The following TSPAN11 variants were observed in gnomAD, a reference collection of about 807,000 sequenced individuals.
TSPAN11 encodes tetraspanin 11.
TSPAN11 carries 29 observed loss-of-function variants against 32.9 expected under a neutral mutation model. That is an observed-to-expected ratio of 0.88 (90% CI 0.66 to 1.20). The LOEUF (loss-of-function observed/expected upper bound fraction) is 1.20, where lower values mean the gene tolerates loss of function less well. TSPAN11 is among the 50% of genes most tolerant of loss of function. The pLI is 0.00. For synonymous variants in TSPAN11, 140 were observed against 141.3 expected, an observed-to-expected ratio of 0.99 and a Z score of 0.07; for missense variants, 283 against 329.1, an observed-to-expected ratio of 0.86 and a Z score of 1.08.
the TSPAN11 span, among the ~76,000 whole-genome samples, chr12:31,011,457 T>C: frequency 6.6e-6 from 1 of 152,154 alleles, no homozygotes; most frequent in Admixed American, 6.5e-5. Flanking sequence ...TGAGGCCACA[T>C]TTAACCACTT....
At chr12:30,933,782 GTC>G (rs1429682611) in intron 1 of TSPAN11, among the ~76,000 whole-genome samples, 3 of 152,158 alleles carry the variant, frequency 2.0e-5, no homozygotes, top group Non-Finnish European at 4.4e-5. Flanking sequence ...AGGCCCCTAT[GTC>G]TTAGACTCTG....
chr12:30,992,105 C>T lies in TSPAN11; in HGVS notation c.*190C>T, dbSNP rs1467349598. On this transcript the variant is annotated 3_prime_UTR_variant, in exon 8 of 8. Transcript: ENST00000546076. ...GCCCACCCAGGCAGAGACCCTCGGC[C>T]CCCTCTCCTCCATTTCTGAGCCCCC... 8 of 637,228 alleles carry T rather than the reference C, an allele frequency of 1.3e-5. No individual in the cohort carries two copies. The highest frequency in any genetic ancestry group is 2.2e-5 in the Non-Finnish European group (8 of 358,068). 39.5% of individuals were successfully genotyped at this position (637,228 alleles called of 1,614,324 possible).
the TSPAN11 span, among the ~76,000 whole-genome samples, chr12:31,007,666 G>T: frequency 6.6e-6 from 1 of 152,030 alleles, no homozygotes; most frequent in Non-Finnish European, 1.5e-5. Flanking sequence ...ACTCCCCGAT[G>T]CTTTCTGTGG....
chr12:30,959,763 G>A (rs1432790361), intron 2 of TSPAN11, among the ~76,000 whole-genome samples: 2 of 142,748 alleles, frequency 1.4e-5, no homozygotes, highest in Non-Finnish European at 3.0e-5. Context: ...CTGCGCGACC[G>A]AGTGAGACTC....
downstream of TSPAN11, among the ~76,000 whole-genome samples, chr12:31,001,005 T>A (rs888599131): frequency 1.3e-5 from 2 of 152,170 alleles, no homozygotes; most frequent in Non-Finnish European, 1.5e-5. Flanking sequence ...GGCTCTATCA[T>A]CTCTCACCTA....
intron 1 of TSPAN11, among the ~76,000 whole-genome samples, chr12:30,940,778 A>T (rs1388244118): frequency 2.6e-5 from 4 of 152,218 alleles, no homozygotes; most frequent in Non-Finnish European, 5.9e-5. Context: ...CCCCCAGATC[A>T]TGCCCCAGTA....
chr12:30,992,451 G>A lies in TSPAN11; in HGVS notation c.*536G>A, dbSNP rs553316781. On this transcript the variant is annotated 3_prime_UTR_variant, in exon 8 of 8. Transcript: ENST00000546076. ...CTCTCCACACTGCCTCACCTGGAAA[G>A]CCATGTCCTGCTGGCCTCATTCCTT... is the stretch of plus-strand genomic sequence containing the variant. 9.9e-4 allele frequency: 174 copies of A among 175,814 alleles called. 1 individual carries two copies. The highest frequency in any genetic ancestry group is 3.9e-3 in the African/African-American group (167 of 42,600). 10.9% of individuals were successfully genotyped at this position (175,814 alleles called of 1,614,324 possible).
At chr12:30,988,280 C>T (rs1049657834) in intron 7 of TSPAN11, among the ~76,000 whole-genome samples, 12 of 152,186 alleles carry the variant, frequency 7.9e-5, no homozygotes, top group Admixed American at 3.3e-4. Context: ...TGGCTGCATG[C>T]TAGAGTAGAG....
chr12:31,013,951 A>G, the TSPAN11 span, among the ~76,000 whole-genome samples: 16 of 152,256 alleles, frequency 1.1e-4, no homozygotes, highest in Admixed American at 1.0e-3. Flanking sequence ...AAAAGAACAT[A>G]GACTATCTCA....
intron 7 of TSPAN11, among the ~76,000 whole-genome samples, chr12:30,987,304 G>A (rs1939219298): frequency 6.6e-6 from 1 of 152,152 alleles, no homozygotes; most frequent in African/African-American, 2.4e-5. Context: ...CTCAACCTTG[G>A]CTGCACAGTG....
rs374839164 is a variant in TSPAN11, at chr12:30,975,397, G to A, written c.277-3164G>A. Among the ~76,000 whole-genome samples, 9 of 152,132 alleles carry A rather than the reference G, an allele frequency of 5.9e-5. No homozygotes were observed. The South Asian group carries it at 6.2e-4, about 11-fold the overall frequency. ...CCAGCACCTGTGCCCACCAGCACCC[G>A]GCCTCAGTCCCCTTGAAGCCCCAGG... On this transcript the variant is annotated intron_variant, in intron 3 of 7. Transcript: ENST00000546076. This position sits in a 1 kb window ranked among gnomAD's most constrained non-coding sequence, Gnocchi z 4.5.
intron 3 of TSPAN11, 56 bp downstream of exon 3, chr12:30,964,073 G>A (rs1938677348): frequency 1.3e-6 from 2 of 1,567,256 alleles, no homozygotes; most frequent in Non-Finnish European, 1.7e-6. Flanking sequence ...ACCCAGTCAG[G>A]TTTCCAGCAA....
At chr12:30,981,600 C>T (rs1270354053) in intron 5 of TSPAN11, among the ~76,000 whole-genome samples, 1 of 152,162 alleles carries the variant, frequency 6.6e-6, no homozygotes, top group Non-Finnish European at 1.5e-5. Context: ...TCCGGGGGCC[C>T]CTGTTCATCC....
the TSPAN11 span, among the ~76,000 whole-genome samples, chr12:31,013,679 G>A: frequency 3.0e-4 from 45 of 152,174 alleles, no homozygotes; most frequent in Non-Finnish European, 6.5e-4. Flanking sequence ...GTAGTGAAAC[G>A]GCAGGTGGTC....
Position 30,934,994 on chromosome 12 carries a change from TC to T in TSPAN11, c.-12+8201del, listed in dbSNP as rs1938012872. 3.3e-5 allele frequency among the ~76,000 whole-genome samples: 5 copies of T among 152,130 alleles called. No homozygotes were observed. The South Asian group carries it at 1.0e-3, about 32-fold the overall frequency. On this transcript the variant is annotated intron_variant, in intron 1 of 7. Transcript: ENST00000546076. ...AACACAACACAGCTGTCAGCAGATGTCCCTTGCATCACTTTGGCAATTCCCC... is the reference window on the plus strand; with the variant it reads ...AACACAACACAGCTGTCAGCAGATGTCCTTGCATCACTTTGGCAATTCCCC...
Position 30,979,668 on chromosome 12 carries a change from G to GA in TSPAN11, c.455dup (p.Asp152GlufsTer52), listed in dbSNP as rs1939049354. On this transcript the variant is annotated frameshift_variant and splice_region_variant, in exon 5 of 8. Transcript: ENST00000546076. LOFTEE classifies it high-confidence loss of function. ...CGCCTCAGTGGACCGACTCCAGCAG[G>GA]ATGTAAGCCATGCCCCATATGGCCT... 1 of 1,614,018 alleles carries GA rather than the reference G, an allele frequency of 6.2e-7. No homozygotes were observed. Among genetic ancestry groups the GA allele is most frequent in the African/African-American group, 1.3e-5 (1 of 74,936 alleles).
the TSPAN11 span, among the ~76,000 whole-genome samples, chr12:31,008,366 G>A: frequency 6.6e-6 from 1 of 152,208 alleles, no homozygotes; most frequent in Non-Finnish European, 1.5e-5. Context: ...AGCCATGCCT[G>A]CTCCCAGAAC....
At chr12:31,016,474 A>G in the TSPAN11 span, among the ~76,000 whole-genome samples, 1 of 151,716 alleles carries the variant, frequency 6.6e-6, no homozygotes, top group Non-Finnish European at 1.5e-5. Flanking sequence ...AAGGAAAGGA[A>G]AGGAGAGGAG....
intron 1 of TSPAN11, among the ~76,000 whole-genome samples, chr12:30,934,848 G>T (rs1182417308): frequency 6.6e-6 from 1 of 151,980 alleles, no homozygotes; most frequent in South Asian, 2.1e-4. Flanking sequence ...CACAGAGAGG[G>T]TCAGTGACTT....
Sources: gnomAD v4.1 joint callset for allele counts (sites outside exome capture counted in the v4.1 genomes callset) on GRCh38, gnomAD v4.1.1 for gene constraint, Gnocchi (gnomAD v3.1) non-coding constraint, MANE v1.5 for transcripts, NCBI Gene and HGNC (gene_info 2026-07-23, HGNC 2026-07-21) for gene names.